Variants in PTPRT observed in about 807,000 individuals in gnomAD.
PTPRT encodes receptor-type tyrosine-protein phosphatase T.
PTPRT carries 56 observed loss-of-function variants against 176.8 expected under a neutral mutation model. The ratio of observed to expected loss-of-function variants is 0.32; its 90% CI spans 0.26 to 0.40. The LOEUF is 0.40. Ranked by LOEUF, PTPRT falls within the 10% of genes least tolerant of loss-of-function variation. PTPRT has a pLI of 1.00. For synonymous variants in PTPRT, 783 were observed against 739.0 expected, an observed-to-expected ratio of 1.06 and a Z score of -0.96; for missense variants, 1,540 against 1,908.2, an observed-to-expected ratio of 0.81 and a Z score of 3.60.
intron 13 of PTPRT, among the ~76,000 whole-genome samples, chr20:42,273,435 G>A (rs909548810): frequency 3.3e-5 from 5 of 152,044 alleles, no homozygotes; most frequent in Admixed American, 1.3e-4. Flanking sequence ...GGCTATTCTC[G>A]AACTCCTGTC....
chr20:43,060,367 C>T (rs1361829546), intron 1 of PTPRT, among the ~76,000 whole-genome samples: 1 of 152,138 alleles, frequency 6.6e-6, no homozygotes, highest in Non-Finnish European at 1.5e-5. Flanking sequence ...GTGTGAGGGA[C>T]AAGGGGGCTT....
At chr20:42,928,518 G>C (rs181467659) in intron 1 of PTPRT, among the ~76,000 whole-genome samples, 234 of 152,274 alleles carry the variant, frequency 1.5e-3, no homozygotes, top group Middle Eastern at 3.4e-3. Context: ...GTCATATGTC[G>C]GGGTGAGTGA....
chr20:43,120,338 C>G (rs1217571546), intron 1 of PTPRT, among the ~76,000 whole-genome samples: 1 of 151,928 alleles, frequency 6.6e-6, no homozygotes, highest in Admixed American at 6.5e-5. Context: ...GTGGCGCGAC[C>G]TCGGCTCACT....
Position 42,843,726 on chromosome 20 carries a change from T to C in PTPRT, c.214+42081A>G, listed in dbSNP as rs2078319809. Reference sequence around the variant, plus strand: ...TTGGCTCCAAGGAGGAAAGTAAGCATGGAGGGCTTCCAAATTGGACTAAAG... The same window carrying C: ...TTGGCTCCAAGGAGGAAAGTAAGCACGGAGGGCTTCCAAATTGGACTAAAG... On this transcript the variant is annotated intron_variant, in intron 2 of 30. Transcript: ENST00000373187. Among the ~76,000 whole-genome samples, 2 of 152,232 alleles carry C rather than the reference T, an allele frequency of 1.3e-5. 1 individual carries two copies. The highest frequency in any genetic ancestry group is 4.1e-4 in the South Asian group (2 of 4,832).
intron 13 of PTPRT, among the ~76,000 whole-genome samples, chr20:42,276,135 G>C (rs1367544060): frequency 6.6e-6 from 1 of 152,000 alleles, no homozygotes; most frequent in African/African-American, 2.4e-5. Flanking sequence ...TGCTGGTCTG[G>C]TGATGAAGAA....
At chr20:42,698,343 T>C (rs2075916615) in intron 6 of PTPRT, among the ~76,000 whole-genome samples, 1 of 152,132 alleles carries the variant, frequency 6.6e-6, no homozygotes, top group Non-Finnish European at 1.5e-5. Flanking sequence ...GGTGTGTCAT[T>C]ATGAAAACTG....
At chr20:43,120,304 C>T (rs1050227004) in intron 1 of PTPRT, among the ~76,000 whole-genome samples, 7 of 151,172 alleles carry the variant, frequency 4.6e-5, no homozygotes, top group Middle Eastern at 3.2e-3. Context: ...TGGAGTCTCA[C>T]TCTGTTGCCC....
intron 16 of PTPRT, among the ~76,000 whole-genome samples, chr20:42,182,174 T>C (rs1990552100): frequency 6.6e-6 from 1 of 152,118 alleles, no homozygotes; most frequent in African/African-American, 2.4e-5. Context: ...ACAGAAGTCA[T>C]GTCATTCTGA....
chr20:43,118,729 C>T (rs770265964), intron 1 of PTPRT, among the ~76,000 whole-genome samples: 1 of 152,150 alleles, frequency 6.6e-6, no homozygotes, highest in Non-Finnish European at 1.5e-5. Context: ...TGAGCCACCG[C>T]ACCTGGCCAT....
intron 6 of PTPRT, among the ~76,000 whole-genome samples, chr20:42,748,882 G>A (rs185500931): frequency 2.2e-4 from 33 of 152,156 alleles, no homozygotes; most frequent in African/African-American, 6.3e-4. Flanking sequence ...AGCTCCAGAC[G>A]GTCACAGCAG....
chr20:42,646,377 T>A (rs1416246734), intron 7 of PTPRT, among the ~76,000 whole-genome samples: 1 of 152,132 alleles, frequency 6.6e-6, no homozygotes, highest in African/African-American at 2.4e-5. Context: ...CATTCCTTTT[T>A]GAATTGTCCA....
chr20:42,832,700 GAA>G (rs60235829), intron 2 of PTPRT, among the ~76,000 whole-genome samples: 37 of 75,518 alleles, frequency 4.9e-4, no homozygotes, highest in Admixed American at 4.2e-3. Flanking sequence ...AATACAGAAA[GAA>G]AAAAAAAAAA....
intron 1 of PTPRT, among the ~76,000 whole-genome samples, chr20:42,929,323 G>A (rs1207845061): frequency 1.3e-5 from 2 of 152,256 alleles, no homozygotes; most frequent in Non-Finnish European, 2.9e-5. Context: ...CAAAGAGCCC[G>A]AAGTGTGGAG....
intron 7 of PTPRT, among the ~76,000 whole-genome samples, chr20:42,477,362 C>T (rs2071308239): frequency 1.3e-5 from 2 of 151,968 alleles, no homozygotes; most frequent in Admixed American, 1.3e-4. Context: ...AGCATGTCAG[C>T]CAGGTCTTTA....
chr20:42,832,452 A>G (rs2078105349), intron 2 of PTPRT, among the ~76,000 whole-genome samples: 1 of 152,086 alleles, frequency 6.6e-6, no homozygotes. Flanking sequence ...CAAACCCCAC[A>G]ACACGAATCT....
intron 2 of PTPRT, among the ~76,000 whole-genome samples, chr20:42,815,531 CTT>C (rs1477179919): frequency 3.9e-5 from 6 of 152,184 alleles, no homozygotes; most frequent in African/African-American, 1.2e-4. Flanking sequence ...CCAGGTCAAA[CTT>C]AGAAGTTGTC....
intron 7 of PTPRT, among the ~76,000 whole-genome samples, chr20:42,527,071 C>A (rs1411503391): frequency 1.4e-5 from 2 of 146,494 alleles, no homozygotes; most frequent in South Asian, 4.4e-4. Context: ...TCACGCCATT[C>A]TCCTGCCTCA....
intron 6 of PTPRT, among the ~76,000 whole-genome samples, chr20:42,694,098 G>A (rs1600622073): frequency 2.0e-5 from 3 of 150,662 alleles, no homozygotes; most frequent in South Asian, 4.2e-4. Context: ...GAGTGCAGCG[G>A]CGCGATCTCA....
intron 1 of PTPRT, among the ~76,000 whole-genome samples, chr20:43,066,317 G>T (rs533619495): frequency 4.5e-4 from 69 of 152,180 alleles, no homozygotes; most frequent in African/African-American, 1.3e-3. Flanking sequence ...TGTCACCTAC[G>T]GGAGCACTTC....
Sources: gnomAD v4.1 joint callset for allele counts (sites outside exome capture counted in the v4.1 genomes callset) on GRCh38, gnomAD v4.1.1 for gene constraint, MANE v1.5 for transcripts, NCBI Gene and HGNC (gene_info 2026-07-23, HGNC 2026-07-21) for gene names.